DNER: variants seen among roughly 807,000 people sequenced by gnomAD.
DNER encodes delta and Notch-like epidermal growth factor-related receptor.
DNER carries 33 observed loss-of-function variants against 78.2 expected under a neutral mutation model. The ratio of observed to expected loss-of-function variants is 0.42; its 90% confidence interval spans 0.32 to 0.56. The LOEUF is 0.56. Among genes scored for constraint, DNER ranks in the 20% least tolerant of loss-of-function variants. The pLI, the probability that DNER is intolerant of heterozygous loss-of-function variation, is 0.11. For synonymous variants in DNER, 417 were observed against 384.8 expected, an observed-to-expected ratio of 1.08 and a Z score of -0.98; for missense variants, 918 against 975.3, an observed-to-expected ratio of 0.94 and a Z score of 0.78.
intron 6 of DNER, among the ~76,000 whole-genome samples, chr2:229,501,809 T>C (rs2154211978): frequency 6.6e-6 from 1 of 152,362 alleles, no homozygotes; most frequent in Non-Finnish European, 1.5e-5. Flanking sequence ...TGATATTAAT[T>C]AATTATAAAT....
At chr2:229,614,113 C>T (rs564729701) in intron 1 of DNER, among the ~76,000 whole-genome samples, 13 of 151,344 alleles carry the variant, frequency 8.6e-5, no homozygotes, top group African/African-American at 2.9e-4. Context: ...ACCAACATGG[C>T]ACATGTATAC....
intron 10 of DNER, among the ~76,000 whole-genome samples, chr2:229,404,442 G>T (rs1257956549): frequency 5.9e-5 from 9 of 152,132 alleles, no homozygotes; most frequent in African/African-American, 2.2e-4. Flanking sequence ...ACTATCATGA[G>T]AACAGCATGA....
chr2:229,408,420 C>A (rs1693437898), intron 9 of DNER, among the ~76,000 whole-genome samples: 1 of 152,050 alleles, frequency 6.6e-6, no homozygotes, highest in Admixed American at 6.6e-5. Context: ...TCCTCCTGCC[C>A]CTCCTCCCTC....
rs116658461 is a variant in DNER, at chr2:229,701,169, G to A, written c.276+12979C>T. On this transcript the variant is annotated intron_variant, in intron 1 of 12. Transcript: ENST00000341772. ...CAACAGGTCTTTTACACATTTCCATGCGTTTATAATGCCTTAGCAGTTGGA... is the reference window on the plus strand; with the variant it reads ...CAACAGGTCTTTTACACATTTCCATACGTTTATAATGCCTTAGCAGTTGGA... Among the ~76,000 whole-genome samples the A allele has an allele frequency of 7.4e-3, 1,134 of 152,314 alleles. 9 individuals are homozygous for A. The highest frequency in any genetic ancestry group is 0.051 in the Middle Eastern group (15 of 294).
rs56156768 is a variant in DNER at position 229,591,516 on chromosome 2, C to A, written c.585+64G>T. The A allele has an allele frequency of 2.6e-6, 4 of 1,518,746 alleles. No homozygotes were observed. Among genetic ancestry groups the A allele is most frequent in the Non-Finnish European group, 3.5e-6 (4 of 1,131,140 alleles). The allele number at this position is 1,518,746 out of a possible 1,614,324, so 94.1% of individuals were successfully genotyped here. ...CATTTTTAATTGCTGATACTAGAAC[C>A]GCTGGAGTCACTTTAAGATTTCTGG... On this transcript the variant is annotated intron_variant, in intron 2 of 12. Coordinates refer to ENST00000341772, the MANE Select transcript of DNER (RefSeq NM_139072.4). The surrounding 1 kb of genome is among the most constrained non-coding windows in gnomAD (Gnocchi z 4.6).
At chr2:229,693,249 G>A (rs530666194) in intron 1 of DNER, among the ~76,000 whole-genome samples, 20 of 151,766 alleles carry the variant, frequency 1.3e-4, no homozygotes, top group African/African-American at 3.9e-4. Context: ...GAAGAAGGAC[G>A]CATTTGCTTC....
chr2:229,520,124 C>T (rs920066751), intron 5 of DNER, among the ~76,000 whole-genome samples: 21 of 152,138 alleles, frequency 1.4e-4, no homozygotes, highest in Non-Finnish European at 1.2e-4. Flanking sequence ...ATAATAGATG[C>T]TTAGGTGTTC....
rs530558501 is a variant in DNER at position 229,475,653 on chromosome 2, G to A, written c.1261+1487C>T. Among the ~76,000 whole-genome samples, 467 of 152,248 alleles carry A rather than the reference G, an allele frequency of 3.1e-3. 1 individual carries two copies. Among genetic ancestry groups the A allele is most frequent in the African/African-American group, 0.011 (440 of 41,540 alleles). On this transcript the variant is annotated intron_variant, in intron 7 of 12. Transcript: ENST00000341772. The stretch of plus-strand genomic sequence containing the variant: ...ATTAACAACTAGGAAATTGTAGTAC[G>A]AGTGCAAGCAAAATTCTGTTTTTAG...
At chr2:229,493,372 C>T (rs932276627) in intron 6 of DNER, among the ~76,000 whole-genome samples, 3 of 152,096 alleles carry the variant, frequency 2.0e-5, no homozygotes, top group Admixed American at 6.5e-5. Flanking sequence ...GAATTATATT[C>T]TTGAAATTAG....
At chr2:229,370,838 G>A (rs1309000070) in intron 11 of DNER, among the ~76,000 whole-genome samples, 2 of 152,148 alleles carry the variant, frequency 1.3e-5, no homozygotes, top group African/African-American at 4.8e-5. Flanking sequence ...ATGAGTTCTT[G>A]CAGTCTACGC....
At chr2:229,446,959 G>T (rs17620300) in intron 8 of DNER, among the ~76,000 whole-genome samples, 35,835 of 152,122 alleles carry the variant, frequency 0.24, 5,033 homozygotes, top group East Asian at 0.35. Flanking sequence ...TGAAAGTTCT[G>T]CAGTGACTTA....
rs555815749 is a variant in DNER at position 229,582,525 on chromosome 2, CAAAATGAAAAA to C, written c.847+3322_847+3332del. On this transcript the variant is annotated intron_variant, in intron 4 of 12. Coordinates refer to ENST00000341772, the MANE Select transcript of DNER (RefSeq NM_139072.4). ...AAAATTTAGAAAGATATCAAATTTT[CAAAATGAAAAA>C]AAAATGGTTTATCAAAATAAAGGAT... 6.0e-3 allele frequency among the ~76,000 whole-genome samples: 903 copies of C among 149,338 alleles called. 5 individuals carry two copies. Among genetic ancestry groups the C allele is most frequent in the Admixed American group, 0.014 (212 of 15,110 alleles).
At chr2:229,538,276 A>G (rs1032323798) in intron 5 of DNER, among the ~76,000 whole-genome samples, 6 of 152,246 alleles carry the variant, frequency 3.9e-5, no homozygotes, top group African/African-American at 9.6e-5. Flanking sequence ...TTAAGTCTGG[A>G]GCATCACTCT....
At chr2:229,387,311 C>T (rs1692889805) in intron 11 of DNER, among the ~76,000 whole-genome samples, 1 of 151,988 alleles carries the variant, frequency 6.6e-6, no homozygotes, top group African/African-American at 2.4e-5. Context: ...GAACATCACA[C>T]ACTGGGGCCT....
chr2:229,704,322 C>G (rs1699794076), intron 1 of DNER, among the ~76,000 whole-genome samples: 1 of 152,162 alleles, frequency 6.6e-6, no homozygotes, highest in South Asian at 2.1e-4. Context: ...CACGCACTTA[C>G]CACATGACCC....
Position 229,487,410 on chromosome 2 carries a change from TC to T in DNER, c.1148-10158del, listed in dbSNP as rs1454382974. ...ATAATAAAGTGCAATATTGATACAGTCCATCTATATCTTTTAATCTGATGAT... is the reference window on the plus strand; with the variant it reads ...ATAATAAAGTGCAATATTGATACAGTCATCTATATCTTTTAATCTGATGAT... On this transcript the variant is annotated intron_variant, in intron 6 of 12. Coordinates refer to ENST00000341772, the MANE Select transcript of DNER (RefSeq NM_139072.4). Among the ~76,000 whole-genome samples the T allele has an allele frequency of 2.9e-3, 447 of 152,360 alleles. 2 individuals are homozygous for T. The highest frequency in any genetic ancestry group is 0.01 in the African/African-American group (426 of 41,580).
At chr2:229,649,641 T>C (rs1034947862) in intron 1 of DNER, among the ~76,000 whole-genome samples, 3 of 152,192 alleles carry the variant, frequency 2.0e-5, no homozygotes, top group Non-Finnish European at 4.4e-5. Flanking sequence ...ACTATAGCAA[T>C]TGAGATACAA....
intron 6 of DNER, among the ~76,000 whole-genome samples, chr2:229,481,256 G>A (rs919069481): frequency 1.3e-5 from 2 of 152,276 alleles, no homozygotes; most frequent in Admixed American, 6.5e-5. Flanking sequence ...GACTCACCAA[G>A]AGGACCAGGT....
intron 8 of DNER, among the ~76,000 whole-genome samples, chr2:229,426,293 T>C (rs906387151): frequency 6.6e-6 from 1 of 151,804 alleles, no homozygotes; most frequent in Non-Finnish European, 1.5e-5. Context: ...TACAAAAAAT[T>C]AGCTGGGCGT....
Sources: gnomAD v4.1 joint callset for allele counts (sites outside exome capture counted in the v4.1 genomes callset) on GRCh38, gnomAD v4.1.1 for gene constraint, Gnocchi (gnomAD v3.1) non-coding constraint, MANE v1.5 for transcripts, NCBI Gene and HGNC (gene_info 2026-07-23, HGNC 2026-07-21) for gene names.